FRMD1: variants seen among roughly 807,000 people sequenced by gnomAD.
FRMD1 encodes the protein FERM domain containing 1.
In FRMD1, 51 loss-of-function variants were observed where a neutral mutation model predicts 54.9. The ratio of observed to expected loss-of-function variants is 0.93; its 90% CI spans 0.74 to 1.17. The LOEUF is 1.17. Among genes scored for constraint, FRMD1 ranks in the 50% most tolerant of loss-of-function variants. The pLI, the probability that FRMD1 is intolerant of heterozygous loss-of-function variation, is 0.00. For missense variants in FRMD1, 729 were observed against 743.0 expected (o/e 0.98, Z 0.22); for synonymous variants, 324 against 306.4 (o/e 1.06, Z -0.60).
chr6:168,079,027 G>A lies in FRMD1; in HGVS notation c.68C>T (p.Ser23Leu), dbSNP rs1227206873. ...ACTGGGTTCCATACATCGCGCCCCT[G>A]AAGGAGGGAACGTGTCAGGGTTTGT... ...ARTNPDTFPPSGARCMEPSPE... is the reference protein window; with the variant it reads ...ARTNPDTFPPLGARCMEPSPE... Residue 23 changes from serine (S) to leucine (L), a missense_variant, in exon 1 of 11, where the codon TCA (serine) becomes TTA (leucine). Ser to Leu is a moderately radical substitution (Grantham distance 145, BLOSUM62 -2). Transcript: ENST00000283309. 1 of 1,611,786 alleles carries A rather than the reference G, an allele frequency of 6.2e-7. No homozygotes were observed. The highest frequency in any genetic ancestry group is 8.5e-7 in the Non-Finnish European group (1 of 1,179,966).
At chr6:168,066,477 G>C (rs1800030899) in intron 4 of FRMD1, 2 of 1,036,538 alleles carry the variant, frequency 1.9e-6, no homozygotes, top group East Asian at 9.9e-5. Flanking sequence ...CAGCCTGGGC[G>C]ACAAGAGTGA....
intron 2 of FRMD1, among the ~76,000 whole-genome samples, chr6:168,069,718 A>T: frequency 6.6e-6 from 1 of 152,292 alleles, no homozygotes; most frequent in Non-Finnish European, 1.5e-5. Context: ...CTCAAACACT[A>T]CGAGAACAAT....
At chr6:168,071,334 TAA>T (rs1387168079) in intron 2 of FRMD1, among the ~76,000 whole-genome samples, 1 of 152,156 alleles carries the variant, frequency 6.6e-6, no homozygotes, top group African/African-American at 2.4e-5. Flanking sequence ...ATTTACAACT[TAA>T]GAGATAATTA....
At chr6:168,080,803 AG>A (rs1330496002), upstream of FRMD1, among the ~76,000 whole-genome samples, 1 of 151,002 alleles carries the variant, frequency 6.6e-6, no homozygotes, top group Non-Finnish European at 1.5e-5. Flanking sequence ...ACGTGTGTGC[AG>A]GTGCTGGTGT....
Position 168,059,473 on chromosome 6 carries a change from C to T in FRMD1, c.1343-285G>A, listed in dbSNP as rs561606153. On this transcript the variant is annotated intron_variant, in intron 9 of 10. Transcript: ENST00000283309. The surrounding 1 kb of genome is among the most constrained non-coding windows in gnomAD (Gnocchi z 4.4). ...CAGAGATGGAGGCCAACCATCCCTT[C>T]CTGGTGGACCAGACACTCCAAGGGC... is the stretch of plus-strand genomic sequence containing the variant. 6.6e-6 allele frequency among the ~76,000 whole-genome samples: 1 copy of T among 152,338 alleles called. No homozygotes were observed. Among genetic ancestry groups the T allele is most frequent in the Non-Finnish European group, 1.5e-5 (1 of 68,018 alleles).
At chr6:168,088,880 A>ATCCAGGTGTCCGTGTGACCCACGGGC (rs1562436430) in intron 1 of FRMD1, among the ~76,000 whole-genome samples, 1,810 of 48,872 alleles carry the variant, frequency 0.037, 25 homozygotes, top group Middle Eastern at 0.083. Flanking sequence ...CAACCTCCCC[A>ATCCAGGTGTCCGTGTGACCCACGGGC]CTCCTTGTGT....
At chr6:168,073,199 A>AC (rs1380843330) in intron 2 of FRMD1, among the ~76,000 whole-genome samples, 3 of 145,538 alleles carry the variant, frequency 2.1e-5, no homozygotes, top group African/African-American at 7.6e-5. Context: ...ACCCCCAGTC[A>AC]CCCCCCTGCA....
upstream of FRMD1, among the ~76,000 whole-genome samples, chr6:168,085,853 A>G (rs1800909205): frequency 6.6e-6 from 1 of 152,148 alleles, no homozygotes; most frequent in South Asian, 2.1e-4. Flanking sequence ...ATGGCTCCCT[A>G]TCGCCCAGCC....
intron 2 of FRMD1, among the ~76,000 whole-genome samples, chr6:168,069,849 G>T (rs1041866512): frequency 6.6e-6 from 1 of 152,162 alleles, no homozygotes; most frequent in Non-Finnish European, 1.5e-5. Context: ...GGTGATGGGC[G>T]CACCCTTCTT....
intron 2 of FRMD1, among the ~76,000 whole-genome samples, chr6:168,070,740 A>G (rs1224622619): frequency 6.6e-6 from 1 of 152,022 alleles, no homozygotes; most frequent in East Asian, 1.9e-4. Flanking sequence ...GTATACAGAC[A>G]TACACATACG....
Position 168,091,515 on chromosome 6 carries a change from A to T in FRMD1, c.-12+9910T>A, listed in dbSNP as rs541211609. On this transcript the variant is annotated intron_variant, in intron 1 of 12. Coordinates refer to the FRMD1 transcript ENST00000644440. ...CGGTCAGGTGTCAGCAGGATGGCTC[A>T]GGTTGGATCTCCACTGGGCGTCCTC... Among the ~76,000 whole-genome samples the T allele has an allele frequency of 2.6e-5, 4 of 152,304 alleles. No homozygotes were observed. In the East Asian group the frequency reaches 7.7e-4, roughly 29 times the overall value.
chr6:168,062,943 C>G lies in FRMD1; in HGVS notation c.821G>C (p.Arg274Pro). 1 of 1,614,016 alleles carries G rather than the reference C, an allele frequency of 6.2e-7. No individual in the cohort carries two copies. Among genetic ancestry groups the G allele is most frequent in the Non-Finnish European group, 8.5e-7 (1 of 1,179,938 alleles). The change falls in exon 7 of 11, where the codon CGT (arginine) becomes CCT (proline). Residue 274 changes from arginine to proline, a missense_variant. Physicochemically the swap from Arg to Pro is moderately radical, Grantham distance 103. Coordinates refer to ENST00000283309, the MANE Select transcript of FRMD1 (RefSeq NM_024919.6). The stretch of plus-strand genomic sequence containing the variant: ...GGCCAGTCCCAGGATCACGGTGGGA[C>G]GACCTTCCTTCTTATCCTAGAGGAC... The part of the protein sequence containing the change: ...FRLHKDKKEG[R>P]PTVILGLALR...
At chr6:168,083,460 A>G (rs916327598), upstream of FRMD1, among the ~76,000 whole-genome samples, 5 of 152,260 alleles carry the variant, frequency 3.3e-5, no homozygotes, top group African/African-American at 4.8e-5. Flanking sequence ...GCCGCTGTGA[A>G]CTAAGTGCCA....
At chr6:168,086,998 C>A (rs1174886063) in intron 1 of FRMD1, among the ~76,000 whole-genome samples, 1 of 152,022 alleles carries the variant, frequency 6.6e-6, no homozygotes, top group African/African-American at 2.4e-5. Context: ...CCTGCGCTCA[C>A]CAGCCACTCA....
intron 5 of FRMD1, among the ~76,000 whole-genome samples, 163 bp downstream of exon 5, chr6:168,064,708 G>C (rs1799936655): frequency 6.6e-6 from 1 of 152,216 alleles, no homozygotes; most frequent in Non-Finnish European, 1.5e-5. Flanking sequence ...GGACCCTTGG[G>C]CCTTCAGGAC....
chr6:168,073,815 G>A lies in FRMD1; in HGVS notation c.304+1430C>T, dbSNP rs114930957. Among the ~76,000 whole-genome samples, 505 of 152,220 alleles carry A rather than the reference G, an allele frequency of 3.3e-3. 5 individuals carry two copies. The highest frequency in any genetic ancestry group is 0.012 in the African/African-American group (489 of 41,524). On this transcript the variant is annotated intron_variant, in intron 2 of 10. Transcript: ENST00000283309. ...GCAGACACTGGGAGGATGGAGTGTG[G>A]GTTCCGGTGTCCCGTGCAGGGTCCC...
upstream of FRMD1, among the ~76,000 whole-genome samples, chr6:168,083,885 T>C (rs1359271466): frequency 6.6e-6 from 1 of 152,230 alleles, no homozygotes; most frequent in Non-Finnish European, 1.5e-5. Flanking sequence ...ATCTCTCCCT[T>C]TCCAGCCTTT....
At chr6:168,075,663 C>T (rs2115011360) in intron 1 of FRMD1, 4 of 1,163,858 alleles carry the variant, frequency 3.4e-6, no homozygotes, top group Middle Eastern at 3.8e-4. Flanking sequence ...AACTCCAGGG[C>T]CGCCCTCTGG....
In FRMD1 at chr6:168,059,391, C is replaced by T. The variant is rs932050953; in HGVS notation, c.1343-203G>A. ...AAAACGGCCCCTTGCTGTGCAGATG[C>T]GGGATTAGCACGGTGATTCCCGCTG... On this transcript the variant is annotated intron_variant, in intron 9 of 10. Coordinates refer to ENST00000283309, the MANE Select transcript of FRMD1 (RefSeq NM_024919.6). This position sits in a 1 kb window ranked among gnomAD's most constrained non-coding sequence, Gnocchi z 4.4. Among the ~76,000 whole-genome samples, 4 of 152,168 alleles carry T rather than the reference C, an allele frequency of 2.6e-5. No individual in the cohort carries two copies. Among genetic ancestry groups the T allele is most frequent in the African/African-American group, 4.8e-5 (2 of 41,440 alleles).
Sources: allele counts gnomAD v4.1 joint callset (sites outside exome capture counted in the v4.1 genomes callset), GRCh38; gene constraint gnomAD v4.1.1; non-coding constraint Gnocchi (gnomAD v3.1); transcripts MANE v1.5; gene names NCBI Gene and HGNC (gene_info 2026-07-23, HGNC 2026-07-21).